BNC1: variants seen among roughly 807,000 people sequenced by gnomAD.
BNC1 encodes the protein zinc finger protein basonuclin-1.
Under a neutral mutation model 66.5 loss-of-function variants are expected in BNC1, and 8 were observed. That is an observed-to-expected ratio of 0.12 (90% CI 0.07 to 0.22). BNC1 has a LOEUF of 0.22. Among genes scored for constraint, BNC1 ranks in the 10% least tolerant of loss-of-function variants. The probability of loss-of-function intolerance (pLI) is 1.00; values close to 1 mark genes in which losing one functional copy is unlikely to be tolerated. For synonymous variants in BNC1, 454 were observed against 452.6 expected (o/e 1.00, Z -0.04); for missense variants, 1,069 against 1,241.3 (o/e 0.86, Z 2.09).
intron 4 of BNC1, among the ~76,000 whole-genome samples, chr15:83,262,044 T>C (rs1263741602): frequency 7.5e-6 from 1 of 133,798 alleles, no homozygotes; most frequent in African/African-American, 3.3e-5. Flanking sequence ...AACTAGTTCA[T>C]GTTTTTTTTT....
At chr15:83,281,138 T>C (rs1384848960) in intron 1 of BNC1, among the ~76,000 whole-genome samples, 1 of 152,170 alleles carries the variant, frequency 6.6e-6, no homozygotes, top group African/African-American at 2.4e-5. Context: ...TCGGCTGAAA[T>C]AGGCATGTGT....
chr15:83,270,006 G>A (rs2038254531), intron 1 of BNC1, among the ~76,000 whole-genome samples: 1 of 152,230 alleles, frequency 6.6e-6, no homozygotes, highest in Admixed American at 6.5e-5. Flanking sequence ...CTATTTACAT[G>A]AAATGTCAAG....
chr15:83,283,149 C>A, intron 1 of BNC1: 1 of 1,535,556 alleles, frequency 6.5e-7, no homozygotes, highest in Non-Finnish European at 8.7e-7. Context: ...AGACTCGGAG[C>A]GGTGGCAGCC....
At chr15:83,272,919 TTACACCC>T (rs1353129966) in intron 1 of BNC1, among the ~76,000 whole-genome samples, 1 of 152,144 alleles carries the variant, frequency 6.6e-6, no homozygotes, top group Non-Finnish European at 1.5e-5. Flanking sequence ...CAGATGCCAG[TTACACCC>T]TACCCTCCAG....
At chr15:83,261,977 C>G (rs946301718) in intron 4 of BNC1, among the ~76,000 whole-genome samples, 1 of 151,780 alleles carries the variant, frequency 6.6e-6, no homozygotes, top group Non-Finnish European at 1.5e-5. Flanking sequence ...TTAAAAAGCT[C>G]CCTTCTCACT....
Position 83,264,491 on chromosome 15 carries a change from G to A in BNC1, c.760C>T (p.Pro254Ser). 6.2e-7 allele frequency: 1 copy of A among 1,614,178 alleles called. No individual in the cohort carries two copies. Among genetic ancestry groups the A allele is most frequent in the Non-Finnish European group, 8.5e-7 (1 of 1,180,036 alleles). ...TCGGGCAATGACCCTATCAGTGCAG[G>A]AGGCAGAGGGTTGAAGAACTGGAAA... Reference protein sequence around the residue: ...LPFQFFNPLPPALIGSLPEQY... With the variant: ...LPFQFFNPLPSALIGSLPEQY... Residue 254 changes from proline to serine, a missense_variant, in exon 4 of 5, where the codon CCT (proline) becomes TCT (serine). Around this residue, in one of 7 missense-constraint regions of BNC1, gnomAD observed 181 missense variants for 181.5 expected, o/e 1.00. Coordinates refer to ENST00000345382, the MANE Select transcript of BNC1 (RefSeq NM_001717.4).
rs536445503 is a variant in BNC1, at chr15:83,282,866, T to TCA, written c.99+1662_99+1663dup. Among the ~76,000 whole-genome samples the TCA allele has an allele frequency of 1.3e-3, 204 of 152,228 alleles. 1 individual carries two copies. Among genetic ancestry groups the TCA allele is most frequent in the African/African-American group, 4.6e-3 (191 of 41,564 alleles). The stretch of plus-strand genomic sequence containing the variant: ...TGCAGTAACACATGTTCTCTCTCCC[T>TCA]CACACACACACTCTCTCTCTCCCTG... On this transcript the variant is annotated intron_variant, in intron 1 of 4. Coordinates refer to ENST00000345382, the MANE Select transcript of BNC1 (RefSeq NM_001717.4).
chr15:83,275,676 G>A (rs977571487), intron 1 of BNC1, among the ~76,000 whole-genome samples: 1 of 152,074 alleles, frequency 6.6e-6, no homozygotes, highest in Non-Finnish European at 1.5e-5. Context: ...TGGAGAGAGA[G>A]GAAGTATTTA....
intron 1 of BNC1, among the ~76,000 whole-genome samples, chr15:83,275,915 C>T (rs1466691036): frequency 6.6e-6 from 1 of 151,556 alleles, no homozygotes; most frequent in African/African-American, 2.4e-5. Flanking sequence ...TGAATATAAT[C>T]TCCCTGTTAA....
chr15:83,260,450 A>C (rs2038128429), intron 4 of BNC1, among the ~76,000 whole-genome samples: 1 of 152,202 alleles, frequency 6.6e-6, no homozygotes, highest in Admixed American at 6.5e-5. Context: ...CTTAGGTTTT[A>C]AGTATTTGTA....
chr15:83,262,435 G>C (rs1184093841), intron 4 of BNC1, among the ~76,000 whole-genome samples: 1 of 152,098 alleles, frequency 6.6e-6, no homozygotes, highest in African/African-American at 2.4e-5. Flanking sequence ...CAGGCAGAAT[G>C]ATGCATATAA....
intron 1 of BNC1, among the ~76,000 whole-genome samples, chr15:83,268,565 T>C (rs1009539206): frequency 1.3e-5 from 2 of 152,236 alleles, no homozygotes; most frequent in African/African-American, 4.8e-5. Context: ...ACCAAATTTC[T>C]AAGTTGACTA....
intron 1 of BNC1, among the ~76,000 whole-genome samples, chr15:83,282,037 T>G (rs1323919147): frequency 6.6e-6 from 1 of 152,236 alleles, no homozygotes; most frequent in Non-Finnish European, 1.5e-5. Flanking sequence ...AGCAAACAGA[T>G]CACTGTAGGT....
Position 83,263,744 on chromosome 15 carries a change from T to A in BNC1, c.1507A>T (p.Asn503Tyr), listed in dbSNP as rs373761816. ...AGGGAAGGGAGTATCCCAGGCGTGT[T>A]TGCTACCTCGGCAGGCGTGGCTGGA... ...RSPATPAEVANTPGILPSLPL... is the reference protein window; with the variant it reads ...RSPATPAEVAYTPGILPSLPL... Residue 503 changes from asparagine (N) to tyrosine (Y), a missense_variant, in exon 4 of 5, where the codon AAC becomes TAC. Transcript: ENST00000345382. 1 of 1,614,030 alleles carries A rather than the reference T, an allele frequency of 6.2e-7. No individual in the cohort carries two copies.
rs749313982 is a variant in BNC1 at position 83,264,194 on chromosome 15, T to C, written c.1057A>G (p.Lys353Glu). The change falls in exon 4 of 5, where the codon AAG (lysine) becomes GAG (glutamate). Residue 353 changes from lysine to glutamate, a missense_variant. Physicochemically the swap from Lys to Glu is moderately conservative, Grantham distance 56 (BLOSUM62 1). This residue lies in a region of BNC1 where 82 missense variants were observed against 136.3 expected (regional missense o/e 0.60). Transcript: ENST00000345382. The stretch of plus-strand genomic sequence containing the variant: ...GCAGTGCAGAACACCCGGCCCTTCT[T>C]TGTACCAAGGCTATTCCTCTCAGGC... ...VKPERNSLGT[K>E]KGRVFCTACE... 3 of 1,614,066 alleles carry C rather than the reference T, an allele frequency of 1.9e-6. No individual in the cohort carries two copies. Among genetic ancestry groups the C allele is most frequent in the Non-Finnish European group, 1.7e-6 (2 of 1,180,044 alleles).
intron 3 of BNC1, among the ~76,000 whole-genome samples, chr15:83,265,411 A>G (rs1432323108): frequency 6.6e-6 from 1 of 152,186 alleles, no homozygotes; most frequent in African/African-American, 2.4e-5. Context: ...ACTACAATAA[A>G]TATTTTATCA....
chr15:83,265,008 C>T (rs1219456945), intron 3 of BNC1, among the ~76,000 whole-genome samples, 193 bp from the exon 4 acceptor site: 2 of 152,216 alleles, frequency 1.3e-5, no homozygotes, highest in South Asian at 2.1e-4. Flanking sequence ...ATAAGCTGCA[C>T]AAATATTAGC....
In BNC1 at chr15:83,264,439, T is replaced by G. The variant is rs2038192323; in HGVS notation, c.812A>C (p.Asp271Ala). Reference sequence around the variant, plus strand: ...TTCCTGTTTGGGGTCCTGACTTTGGTCATGACCCTGCTCCAACATATATTG... The same window carrying G: ...TTCCTGTTTGGGGTCCTGACTTTGGGCATGACCCTGCTCCAACATATATTG... ...PEQYMLEQGH[D>A]QSQDPKQEVH... The change falls in exon 4 of 5, where the codon GAC becomes GCC. Residue 271 changes from aspartate to alanine, a missense_variant. By Grantham distance (126) the Asp-to-Ala change is moderately radical (BLOSUM62 -2). Coordinates refer to ENST00000345382, the MANE Select transcript of BNC1 (RefSeq NM_001717.4). The G allele has an allele frequency of 1.9e-6, 3 of 1,614,112 alleles. No homozygotes were observed. The highest frequency in any genetic ancestry group is 2.5e-6 in the Non-Finnish European group (3 of 1,180,032).
At chr15:83,278,086 G>T (rs576247740) in intron 1 of BNC1, among the ~76,000 whole-genome samples, 2 of 152,154 alleles carry the variant, frequency 1.3e-5, no homozygotes, top group African/African-American at 4.8e-5. Flanking sequence ...AGGACAACCG[G>T]GAAGAAGAGA....
Sources: allele counts gnomAD v4.1 joint callset (sites outside exome capture counted in the v4.1 genomes callset), GRCh38; gene constraint gnomAD v4.1.1; regional missense constraint gnomAD v4.1.1; transcripts MANE v1.5; gene names NCBI Gene and HGNC (gene_info 2026-07-23, HGNC 2026-07-21).